Variants in RCAN2 observed in about 807,000 individuals in gnomAD.
RCAN2 encodes the protein calcipressin-2.
Under a neutral mutation model 23.6 loss-of-function variants are expected in RCAN2, and 9 were observed. The observed-to-expected ratio is 0.38, with a 90% CI of 0.23 to 0.67. RCAN2 has a LOEUF of 0.67. RCAN2 is among the 30% of genes least tolerant of loss of function. The pLI is 0.51. For missense variants in RCAN2, 273 were observed against 302.3 expected (o/e 0.90, Z 0.72); for synonymous variants, 109 against 115.7 (o/e 0.94, Z 0.37).
chr6:46,400,840 G>A (rs1766228553), intron 2 of RCAN2, among the ~76,000 whole-genome samples: 2 of 152,276 alleles, frequency 1.3e-5, no homozygotes, highest in Non-Finnish European at 2.9e-5. Context: ...CTCTATCTTG[G>A]TTGCTATTCC....
intron 4 of RCAN2, among the ~76,000 whole-genome samples, chr6:46,229,221 CT>C (rs1266539912): frequency 6.6e-6 from 1 of 152,160 alleles, no homozygotes; most frequent in East Asian, 1.9e-4. Context: ...TTCATTTCAA[CT>C]TTGGAGAATC....
intron 2 of RCAN2, among the ~76,000 whole-genome samples, chr6:46,313,068 A>G (rs1763316051): frequency 1.3e-5 from 2 of 152,192 alleles, no homozygotes; most frequent in South Asian, 4.1e-4. Flanking sequence ...CTTAGAGTTC[A>G]CCATTCTCTC....
At chr6:46,285,485 C>T (rs775573913) in intron 2 of RCAN2, among the ~76,000 whole-genome samples, 110 of 152,218 alleles carry the variant, frequency 7.2e-4, no homozygotes, top group African/African-American at 2.5e-3. Context: ...AGGTTCTAAT[C>T]GAGGGGTTCT....
chr6:46,450,557 T>C (rs1324403437), intron 2 of RCAN2, among the ~76,000 whole-genome samples: 1 of 152,008 alleles, frequency 6.6e-6, no homozygotes, highest in South Asian at 2.1e-4. Flanking sequence ...TGTTCATCAA[T>C]AGATGAATGG....
chr6:46,346,819 A>T (rs1764495738), intron 2 of RCAN2, among the ~76,000 whole-genome samples: 1 of 151,828 alleles, frequency 6.6e-6, no homozygotes. Context: ...CTATAATAAC[A>T]GTAGGGAGAA....
At chr6:46,434,365 G>C (rs1249759956) in intron 2 of RCAN2, among the ~76,000 whole-genome samples, 1 of 152,190 alleles carries the variant, frequency 6.6e-6, no homozygotes, top group East Asian at 1.9e-4. Context: ...TGTCTGTGAA[G>C]CAAACTCAGA....
chr6:46,374,915 T>C (rs141178667), intron 2 of RCAN2, among the ~76,000 whole-genome samples: 2,607 of 152,290 alleles, frequency 0.017, 54 homozygotes, highest in South Asian at 0.12. Context: ...TTTATGTATT[T>C]ATTGTTTTTG....
chr6:46,358,082 T>C (rs1478415546), intron 2 of RCAN2, among the ~76,000 whole-genome samples: 1 of 152,132 alleles, frequency 6.6e-6, no homozygotes, highest in Non-Finnish European at 1.5e-5. Context: ...AGACGGAAAA[T>C]TCAATAACGT....
intron 1 of RCAN2, among the ~76,000 whole-genome samples, chr6:46,464,691 A>G (rs1768322302): frequency 1.3e-5 from 2 of 152,292 alleles, no homozygotes; most frequent in East Asian, 1.9e-4. Context: ...AGCTATGTGA[A>G]CCTCATGCTA....
intron 1 of RCAN2, among the ~76,000 whole-genome samples, chr6:46,468,407 T>A (rs1175511474): frequency 6.6e-6 from 1 of 152,134 alleles, no homozygotes; most frequent in Non-Finnish European, 1.5e-5. Flanking sequence ...TTAATCACAA[T>A]TTTCCAACTT....
At chr6:46,444,330 G>A (rs571100389) in intron 2 of RCAN2, among the ~76,000 whole-genome samples, 1 of 152,210 alleles carries the variant, frequency 6.6e-6, no homozygotes, top group African/African-American at 2.4e-5. Context: ...AAGGCCAAAG[G>A]CTTTAAACTA....
At chr6:46,475,535 C>A (rs1308240371) in intron 1 of RCAN2, among the ~76,000 whole-genome samples, 5 of 152,150 alleles carry the variant, frequency 3.3e-5, no homozygotes, top group South Asian at 4.2e-4. Flanking sequence ...GGCTTCAATT[C>A]TTTCCAAACA....
chr6:46,339,601 G>A (rs769027426), intron 2 of RCAN2, among the ~76,000 whole-genome samples: 2 of 152,058 alleles, frequency 1.3e-5, no homozygotes, highest in African/African-American at 2.4e-5. Flanking sequence ...AGCTTTGTGC[G>A]TTATGGGTAG....
At chr6:46,448,947 T>C (rs557547142) in intron 2 of RCAN2, among the ~76,000 whole-genome samples, 124 of 152,056 alleles carry the variant, frequency 8.2e-4, no homozygotes, top group African/African-American at 2.6e-3. Flanking sequence ...TTACCACTTT[T>C]ATTCAACATA....
intron 1 of RCAN2, among the ~76,000 whole-genome samples, chr6:46,462,131 GC>G (rs1561915641): frequency 6.2e-5 from 4 of 64,638 alleles, no homozygotes; most frequent in Non-Finnish European, 1.6e-4. Flanking sequence ...GAAACCTCCA[GC>G]TTCAAACCTC....
chr6:46,246,977 T>C, intron 3 of RCAN2, 58 bp from the exon 4 acceptor site: 3 of 1,381,222 alleles, frequency 2.2e-6, no homozygotes, highest in South Asian at 1.5e-5. Context: ...ATGTGTCATG[T>C]TGGCACATTA....
chr6:46,265,655 T>G (rs1767299954), intron 2 of RCAN2, among the ~76,000 whole-genome samples: 1 of 152,188 alleles, frequency 6.6e-6, no homozygotes, highest in Non-Finnish European at 1.5e-5. Flanking sequence ...GACGTGACAG[T>G]CCTCTTGATG....
At chr6:46,276,351 T>C (rs1197697384) in intron 2 of RCAN2, among the ~76,000 whole-genome samples, 1 of 152,158 alleles carries the variant, frequency 6.6e-6, no homozygotes, top group Admixed American at 6.5e-5. Flanking sequence ...TCATAGAGTA[T>C]ACTTTGCCAC....
At chr6:46,354,897 A>ATATGTG (rs1016741080) in intron 2 of RCAN2, among the ~76,000 whole-genome samples, 5 of 144,644 alleles carry the variant, frequency 3.5e-5, no homozygotes, top group African/African-American at 1.3e-4. Context: ...AAGATTATAT[A>ATATGTG]TGTGTGTGTG....
Sources: gnomAD v4.1 joint callset for allele counts (sites outside exome capture counted in the v4.1 genomes callset) on GRCh38, gnomAD v4.1.1 for gene constraint, MANE v1.5 for transcripts, NCBI Gene and HGNC (gene_info 2026-07-23, HGNC 2026-07-21) for gene names.